The following LARGE1 variants were observed in gnomAD, a reference collection of about 807,000 sequenced individuals.
LARGE1 encodes LARGE xylosyl- and glucuronyltransferase 1.
LARGE1 carries 43 observed loss-of-function variants against 87.6 expected under a neutral mutation model. The observed-to-expected ratio is 0.49, with a 90% confidence interval of 0.38 to 0.63. The LOEUF (loss-of-function observed/expected upper bound fraction) is 0.63. Among genes scored for constraint, LARGE1 ranks in the 30% least tolerant of loss-of-function variants. The pLI is 0.00. For missense variants in LARGE1, 802 were observed against 1,000.2 expected (o/e 0.80, Z 2.67); for synonymous variants, 434 against 394.6 (o/e 1.10, Z -1.18).
intron 2 of LARGE1, among the ~76,000 whole-genome samples, chr22:33,752,330 A>G (rs1432294492): frequency 6.6e-6 from 1 of 152,172 alleles, no homozygotes; most frequent in African/African-American, 2.4e-5. Flanking sequence ...TAAGAGACCT[A>G]TTCAAACATC....
chr22:33,627,572 T>G (rs2079962342), intron 3 of LARGE1, among the ~76,000 whole-genome samples: 1 of 152,214 alleles, frequency 6.6e-6, no homozygotes, highest in African/African-American at 2.4e-5. Context: ...AGATACCTTG[T>G]TATCCCAACC....
At chr22:33,387,426 C>CAAAAAAAAAA (rs758366490) in intron 7 of LARGE1, among the ~76,000 whole-genome samples, 3 of 67,456 alleles carry the variant, frequency 4.4e-5, no homozygotes, top group African/African-American at 1.6e-4. Flanking sequence ...GACTCTGTCT[C>CAAAAAAAAAA]AAAAAAAAAA....
chr22:33,649,739 G>C (rs2080733517), intron 3 of LARGE1, among the ~76,000 whole-genome samples: 1 of 152,230 alleles, frequency 6.6e-6, no homozygotes. Flanking sequence ...AATGGGGAAT[G>C]AGTGTATGTG....
intron 11 of LARGE1, among the ~76,000 whole-genome samples, chr22:33,224,658 C>T (rs986269949): frequency 9.9e-5 from 15 of 152,096 alleles, no homozygotes; most frequent in African/African-American, 2.4e-4. Flanking sequence ...TGACCTAAAC[C>T]GAGATCCAAC....
chr22:33,232,677 T>C (rs2145660878), intron 11 of LARGE1, among the ~76,000 whole-genome samples: 1 of 152,292 alleles, frequency 6.6e-6, no homozygotes, highest in East Asian at 1.9e-4. Flanking sequence ...AATGATGGTC[T>C]CACTGGAGTC....
At position 33,882,927 on chromosome 22, in the gene LARGE1, C is replaced by A. The variant is rs529057716; in HGVS notation, c.-83+37068G>T. Among the ~76,000 whole-genome samples, 8 of 152,280 alleles carry A rather than the reference C, an allele frequency of 5.3e-5. No individual in the cohort carries two copies. The South Asian group carries it at 1.7e-3, about 32-fold the overall frequency. On this transcript the variant is annotated intron_variant, in intron 1 of 14. Coordinates refer to ENST00000397394, the MANE Select transcript of LARGE1 (RefSeq NM_133642.5). ...TTTCCTCACGTGCGTCTACAAATCA[C>A]CCCCATCTCTCCACAAATCCAAGAG...
At chr22:33,105,247 G>A in the LARGE1 span, 1,132 of 151,786 alleles carry the variant, frequency 7.5e-3, 7 homozygotes, top group Middle Eastern at 0.027. Flanking sequence ...TGACCCACCC[G>A]CCTCAGCCTC....
rs2149261757 is a variant in LARGE1 at position 33,670,347 on chromosome 22, TTAAAGA to T, written c.107-19685_107-19680del. On this transcript the variant is annotated intron_variant, in intron 2 of 14. Coordinates refer to ENST00000397394, the MANE Select transcript of LARGE1 (RefSeq NM_133642.5). ...TTTGGAAGCACCTCCCAGCTCAGTC[TTAAAGA>T]TTAAGGGAAAAACTTCGAGGACTCA... Among the ~76,000 whole-genome samples, 3 of 152,014 alleles carry T rather than the reference TTAAAGA, an allele frequency of 2.0e-5. No individual in the cohort carries two copies. The East Asian group carries it at 5.9e-4, about 30-fold the overall frequency.
intron 1 of LARGE1, among the ~76,000 whole-genome samples, chr22:33,814,039 G>A (rs551859754): frequency 3.3e-5 from 5 of 152,228 alleles, no homozygotes; most frequent in Admixed American, 2.0e-4. Context: ...TACGTATCTC[G>A]ATGGGGGAAG....
chr22:33,396,029 A>G (rs1421414071), intron 7 of LARGE1, among the ~76,000 whole-genome samples: 4 of 152,178 alleles, frequency 2.6e-5, no homozygotes, highest in African/African-American at 9.7e-5. Context: ...TTTGGTCTGC[A>G]CTTCCTCAGC....
chr22:33,660,363 A>C (rs1002750400), intron 2 of LARGE1, among the ~76,000 whole-genome samples: 3 of 152,158 alleles, frequency 2.0e-5, no homozygotes, highest in Non-Finnish European at 2.9e-5. Context: ...CTCTTAGATC[A>C]CCAGGTGGTT....
chr22:33,416,973 C>T (rs1393278473), intron 7 of LARGE1, among the ~76,000 whole-genome samples: 3 of 136,140 alleles, frequency 2.2e-5, no homozygotes, highest in East Asian at 4.2e-4. Flanking sequence ...GTGGTGTGAT[C>T]TCAGCTCACT....
chr22:33,508,636 A>G (rs1380664756), intron 6 of LARGE1, among the ~76,000 whole-genome samples: 1 of 152,196 alleles, frequency 6.6e-6, no homozygotes, highest in Non-Finnish European at 1.5e-5. Flanking sequence ...GAAAGTTACA[A>G]CGTACATCCA....
At chr22:33,888,264 A>AAAAAAAAAGTAAT (rs1252051127) in intron 1 of LARGE1, among the ~76,000 whole-genome samples, 1 of 151,588 alleles carries the variant, frequency 6.6e-6, no homozygotes, top group Non-Finnish European at 1.5e-5. Context: ...TAAAAAACGA[A>AAAAAAAAAGTAAT]AAAAAAAAGT....
At chr22:33,678,972 C>T (rs2081662876) in intron 2 of LARGE1, among the ~76,000 whole-genome samples, 1 of 152,216 alleles carries the variant, frequency 6.6e-6, no homozygotes, top group Non-Finnish European at 1.5e-5. Flanking sequence ...AACCTTAGAG[C>T]TTTGTATAAA....
intron 6 of LARGE1, among the ~76,000 whole-genome samples, chr22:33,485,010 C>T (rs2069507266): frequency 6.7e-6 from 1 of 148,160 alleles, no homozygotes; most frequent in Admixed American, 6.8e-5. Flanking sequence ...CTTCAGGGTT[C>T]AAGAGATTCT....
the LARGE1 span, among the ~76,000 whole-genome samples, chr22:33,111,740 G>A: frequency 6.6e-6 from 1 of 152,322 alleles, no homozygotes; most frequent in African/African-American, 2.4e-5. Context: ...CTTGAGGTCA[G>A]CTCCCTCATC....
chr22:33,642,551 TA>T (rs1406240547), intron 3 of LARGE1, among the ~76,000 whole-genome samples: 3 of 151,958 alleles, frequency 2.0e-5, no homozygotes, highest in African/African-American at 7.3e-5. Context: ...ACCTTAAATG[TA>T]AATGGGCTAA....
the LARGE1 span, among the ~76,000 whole-genome samples, chr22:33,121,463 T>C: frequency 1.3e-5 from 2 of 152,230 alleles, no homozygotes; most frequent in Non-Finnish European, 2.9e-5. Context: ...TAGAGCTTTA[T>C]AGAGTGGTTT....
Sources: gnomAD v4.1 joint callset for allele counts (sites outside exome capture counted in the v4.1 genomes callset) on GRCh38, gnomAD v4.1.1 for gene constraint, MANE v1.5 for transcripts, NCBI Gene and HGNC (gene_info 2026-07-23, HGNC 2026-07-21) for gene names.